PAPPA2: variants seen among roughly 807,000 people sequenced by gnomAD.
PAPPA2 encodes pappalysin-2.
PAPPA2 carries 86 observed loss-of-function variants against 176.4 expected under a neutral mutation model. That is an observed-to-expected ratio of 0.49 (90% confidence interval 0.41 to 0.58). The LOEUF (loss-of-function observed/expected upper bound fraction) is 0.58, where lower values mean the gene tolerates loss of function less well. PAPPA2 is among the 20% of genes least tolerant of loss of function. The pLI, the probability that PAPPA2 is intolerant of heterozygous loss-of-function variation, is 0.00. For synonymous variants in PAPPA2, 809 were observed against 852.2 expected (o/e 0.95, Z 0.88); for missense variants, 2,073 against 2,256.9 (o/e 0.92, Z 1.65).
intron 3 of PAPPA2, among the ~76,000 whole-genome samples, chr1:176,597,491 A>T (rs1368419172): frequency 2.0e-5 from 3 of 152,106 alleles, no homozygotes; most frequent in Non-Finnish European, 4.4e-5. Context: ...CAATGAGAAC[A>T]CATGGACACA....
In PAPPA2 at chr1:176,652,231, A is replaced by G. The variant is rs1657770801; in HGVS notation, c.1992-18739A>G. ...TTGCTGTTGTTTCTTGTGGATATAC[A>G]TCTACATCTTTGCATTGAAGAATTA... On this transcript the variant is annotated intron_variant, in intron 3 of 22. Transcript: ENST00000367662. 3.3e-5 allele frequency among the ~76,000 whole-genome samples: 5 copies of G among 151,800 alleles called. No individual in the cohort carries two copies. In the South Asian group the frequency reaches 8.3e-4, roughly 25 times the overall value.
At chr1:176,729,590 C>A (rs975892223) in intron 12 of PAPPA2, among the ~76,000 whole-genome samples, 1 of 151,866 alleles carries the variant, frequency 6.6e-6, no homozygotes, top group African/African-American at 2.4e-5. Context: ...GATCTAAAAT[C>A]GACACCCTAA....
intron 17 of PAPPA2, among the ~76,000 whole-genome samples, chr1:176,774,197 C>T (rs957471469): frequency 6.6e-6 from 1 of 152,042 alleles, no homozygotes; most frequent in South Asian, 2.1e-4. Context: ...TGATGTTTCT[C>T]TGAGTTCTCT....
rs543285976 is a variant in PAPPA2, at chr1:176,525,946, T to G, written c.-916-29461T>G. ...TCCCTGTTCTTCTCCTGAGTAGAGG[T>G]GGGCTGCTAGGATCTGTATTTTACG... On this transcript the variant is annotated intron_variant, in intron 1 of 22. Coordinates refer to ENST00000367662, the MANE Select transcript of PAPPA2 (RefSeq NM_020318.3). 5.5e-4 allele frequency among the ~76,000 whole-genome samples: 83 copies of G among 152,292 alleles called. 1 individual carries two copies. The highest frequency in any genetic ancestry group is 1.9e-3 in the African/African-American group (79 of 41,554).
chr1:176,830,373 A>C (rs936511434), intron 21 of PAPPA2, among the ~76,000 whole-genome samples: 3 of 152,218 alleles, frequency 2.0e-5, no homozygotes, highest in Admixed American at 6.5e-5. Flanking sequence ...AATATTCATT[A>C]AGCACATATT....
intron 12 of PAPPA2, among the ~76,000 whole-genome samples, chr1:176,726,225 G>A (rs1661866048): frequency 6.6e-6 from 1 of 152,046 alleles, no homozygotes; most frequent in African/African-American, 2.4e-5. Flanking sequence ...TTCTATTATA[G>A]AACCTAACCC....
rs549055307 is a variant in PAPPA2 at position 176,764,872 on chromosome 1, G to A, written c.4152-794G>A. Among the ~76,000 whole-genome samples the A allele has an allele frequency of 1.7e-4, 26 of 152,206 alleles. No individual in the cohort carries two copies. In the South Asian group the frequency reaches 5.0e-3, roughly 29 times the overall value. On this transcript the variant is annotated intron_variant, in intron 14 of 22. Coordinates refer to ENST00000367662, the MANE Select transcript of PAPPA2 (RefSeq NM_020318.3). ...TGGCCTCCCAAAGCGCTGGGATTAT[G>A]GGCGTGAGCCACCGCATCCGGCCTG... is the stretch of plus-strand genomic sequence containing the variant.
At chr1:176,678,884 A>T (rs1411604700) in intron 4 of PAPPA2, among the ~76,000 whole-genome samples, 2 of 152,174 alleles carry the variant, frequency 1.3e-5, no homozygotes, top group Non-Finnish European at 2.9e-5. Context: ...TAAACTAAAA[A>T]AATATATACA....
intron 14 of PAPPA2, among the ~76,000 whole-genome samples, chr1:176,759,902 C>T (rs1057239814): frequency 2.0e-5 from 3 of 152,126 alleles, no homozygotes; most frequent in African/African-American, 7.2e-5. Flanking sequence ...TCTGAACCTA[C>T]CCCTAAGTCT....
At chr1:176,537,717 G>A (rs1296480153) in intron 1 of PAPPA2, among the ~76,000 whole-genome samples, 1 of 69,232 alleles carries the variant, frequency 1.4e-5, no homozygotes, top group African/African-American at 4.5e-5. Flanking sequence ...CAGTAGGTAT[G>A]GAGTGTGTGT....
At chr1:176,562,208 GTGT>G (rs747933933) in intron 2 of PAPPA2, among the ~76,000 whole-genome samples, 27 of 152,214 alleles carry the variant, frequency 1.8e-4, no homozygotes, top group East Asian at 9.7e-4. Context: ...ATATTGGTAA[GTGT>G]TGTTGTTGTT....
In PAPPA2 at chr1:176,710,317, G is replaced by T. The variant is rs191701944; in HGVS notation, c.3651+141G>T. On this transcript the variant is annotated intron_variant, in intron 11 of 22. Transcript: ENST00000367662. The stretch of plus-strand genomic sequence containing the variant: ...AGCCCTAGGGAACATTACTGGATCT[G>T]CCAGCATTGCTATTACAATTACATG... 272 of 719,210 alleles carry T rather than the reference G, an allele frequency of 3.8e-4. No homozygotes were observed. In the African/African-American group the frequency reaches 4.5e-3, roughly 12 times the overall value. 44.6% of individuals were successfully genotyped at this position (719,210 alleles called of 1,614,324 possible).
chr1:176,825,683 A>G (rs949546745), intron 21 of PAPPA2, among the ~76,000 whole-genome samples: 5 of 152,362 alleles, frequency 3.3e-5, no homozygotes, highest in South Asian at 4.1e-4. Context: ...TAAGGTAATT[A>G]GGTACTGCAG....
At position 176,714,540 on chromosome 1, in the gene PAPPA2, A is replaced by G. The variant is rs532035011; in HGVS notation, c.3798+2559A>G. On this transcript the variant is annotated intron_variant, in intron 12 of 22. Transcript: ENST00000367662. The stretch of plus-strand genomic sequence containing the variant: ...CTTGGGTACACCTCTCCAGAATAAA[A>G]CCTGTTTTTTAATGAGTCACAGGCA... Among the ~76,000 whole-genome samples the G allele has an allele frequency of 7.2e-5, 11 of 152,156 alleles. No homozygotes were observed. The South Asian group carries it at 2.1e-3, about 29-fold the overall frequency.
intron 3 of PAPPA2, among the ~76,000 whole-genome samples, chr1:176,620,486 A>G (rs1316580163): frequency 6.6e-6 from 1 of 152,222 alleles, no homozygotes; most frequent in Non-Finnish European, 1.5e-5. Context: ...CATTTCTTCT[A>G]TAATTATATA....
In PAPPA2 at chr1:176,542,084, G is replaced by C. The variant is rs569707949; in HGVS notation, c.-916-13323G>C. Among the ~76,000 whole-genome samples the C allele has an allele frequency of 5.9e-5, 9 of 152,322 alleles. No individual in the cohort carries two copies. The South Asian group carries it at 1.9e-3, about 32-fold the overall frequency. ...TTTGTCTTTTAATCTAGTTGTGTCAGAAGTATTTACACATGAACATTTTTA... is the reference window on the plus strand; with the variant it reads ...TTTGTCTTTTAATCTAGTTGTGTCACAAGTATTTACACATGAACATTTTTA... On this transcript the variant is annotated intron_variant, in intron 1 of 22. Coordinates refer to ENST00000367662, the MANE Select transcript of PAPPA2 (RefSeq NM_020318.3).
intron 14 of PAPPA2, among the ~76,000 whole-genome samples, chr1:176,761,838 T>C (rs1196300730): frequency 6.6e-6 from 1 of 152,260 alleles, no homozygotes; most frequent in Non-Finnish European, 1.5e-5. Context: ...TTCCCACTTC[T>C]CTGGGGCATT....
intron 4 of PAPPA2, among the ~76,000 whole-genome samples, chr1:176,676,178 A>G (rs971795750): frequency 1.3e-5 from 2 of 152,070 alleles, no homozygotes; most frequent in African/African-American, 4.8e-5. Flanking sequence ...GCAATTTTCA[A>G]TAAAACTAAA....
At chr1:176,719,493 C>T (rs898543319) in intron 12 of PAPPA2, among the ~76,000 whole-genome samples, 1 of 152,136 alleles carries the variant, frequency 6.6e-6, no homozygotes, top group African/African-American at 2.4e-5. Context: ...AATCCACTTC[C>T]AGCATTTTAT....
Sources: gnomAD v4.1 joint callset for allele counts (sites outside exome capture counted in the v4.1 genomes callset) on GRCh38, gnomAD v4.1.1 for gene constraint, MANE v1.5 for transcripts, NCBI Gene and HGNC (gene_info 2026-07-23, HGNC 2026-07-21) for gene names.